Variants in TCF20 observed in about 807,000 individuals in gnomAD.
TCF20 encodes the protein transcription factor 20.
In TCF20, 3 loss-of-function variants were observed where a neutral mutation model predicts 148.6. The observed-to-expected ratio is 0.02, with a 90% CI of 0.01 to 0.05. TCF20 has a LOEUF of 0.05. Among genes scored for constraint, TCF20 ranks in the 10% least tolerant of loss-of-function variants. TCF20 has a pLI of 1.00. For missense variants in TCF20, 2,350 were observed against 2,429.3 expected (o/e 0.97, Z 0.69); for synonymous variants, 1,049 against 909.5 (o/e 1.15, Z -2.76).
intron 1 of TCF20, among the ~76,000 whole-genome samples, chr22:42,218,170 T>G (rs1601610670): frequency 6.6e-6 from 1 of 152,138 alleles, no homozygotes; most frequent in African/African-American, 2.4e-5. Context: ...CTTTTACAGA[T>G]GAGGAAACAG....
chr22:42,286,378 T>C (rs908596512), upstream of TCF20, among the ~76,000 whole-genome samples: 2 of 151,918 alleles, frequency 1.3e-5, no homozygotes, highest in African/African-American at 4.8e-5. Context: ...GGCTGTCTGG[T>C]TTTAAATCCT....
chr22:42,200,591 G>A (rs892255352), intron 2 of TCF20, among the ~76,000 whole-genome samples: 35 of 143,824 alleles, frequency 2.4e-4, no homozygotes, highest in African/African-American at 9.1e-4. Flanking sequence ...GCAGTGAGCC[G>A]AGAACGTGCC....
intron 4 of TCF20, among the ~76,000 whole-genome samples, chr22:42,169,171 T>C (rs1569098436): frequency 6.6e-6 from 1 of 151,458 alleles, no homozygotes; most frequent in Non-Finnish European, 1.5e-5. Flanking sequence ...GTGCAGCCCC[T>C]GCAGGAAACA....
chr22:42,199,159 GAAT>G (rs1937806799), intron 2 of TCF20, among the ~76,000 whole-genome samples: 1 of 152,304 alleles, frequency 6.6e-6, no homozygotes, highest in Middle Eastern at 3.4e-3. Flanking sequence ...TTTACAATAA[GAAT>G]AATACTGTTA....
intron 1 of TCF20, among the ~76,000 whole-genome samples, chr22:42,296,376 T>C (rs1443319404): frequency 6.6e-6 from 1 of 152,246 alleles, no homozygotes; most frequent in East Asian, 1.9e-4. Context: ...TCTTTGCTGC[T>C]GCTTTGCAAA....
chr22:42,234,155 C>T (rs73887974), intron 1 of TCF20, among the ~76,000 whole-genome samples: 415 of 152,258 alleles, frequency 2.7e-3, no homozygotes, highest in African/African-American at 9.6e-3. Flanking sequence ...GAAGTCGAGT[C>T]CAAACAAAAA....
rs1364479882 is a variant in TCF20 at position 42,299,966 on chromosome 22, AG to A, written c.-37+43512del. ...GAGAGGAGGGGAAGGAAGGGCGGGGAGGGGGAGGGGGAGGGGCGCGCTGAAA... is the reference window on the plus strand; with the variant it reads ...GAGAGGAGGGGAAGGAAGGGCGGGGAGGGGAGGGGGAGGGGCGCGCTGAAA... On this transcript the variant is annotated intron_variant, in intron 1 of 1. Transcript: ENST00000515426. This position sits in a 1 kb window ranked among gnomAD's most constrained non-coding sequence, Gnocchi z 4.1. 2.8e-3 allele frequency among the ~76,000 whole-genome samples: 21 copies of A among 7,418 alleles called. No homozygotes were observed. Among genetic ancestry groups the A allele is most frequent in the Admixed American group, 8.3e-3 (5 of 604 alleles). 4.9% of individuals were successfully genotyped at this position (7,418 alleles called of 152,430 possible).
chr22:42,178,567 C>A (rs1243258891), intron 3 of TCF20, among the ~76,000 whole-genome samples: 1 of 150,418 alleles, frequency 6.6e-6, no homozygotes, highest in African/African-American at 2.4e-5. Flanking sequence ...AACCACATAT[C>A]CAGAATTACA....
intron 1 of TCF20, among the ~76,000 whole-genome samples, chr22:42,227,066 C>A (rs192143299): frequency 9.9e-5 from 15 of 152,156 alleles, no homozygotes; most frequent in Non-Finnish European, 1.9e-4. Context: ...GCAGAACACA[C>A]GAGGCCAGGA....
intron 1 of TCF20, among the ~76,000 whole-genome samples, chr22:42,232,907 T>G (rs1332716126): frequency 6.6e-6 from 1 of 152,200 alleles, no homozygotes; most frequent in East Asian, 1.9e-4. Context: ...AGTGTTTAAA[T>G]TATGTGCAAT....
At chr22:42,219,960 G>C in intron 1 of TCF20, among the ~76,000 whole-genome samples, 1 of 152,152 alleles carries the variant, frequency 6.6e-6, no homozygotes, top group Non-Finnish European at 1.5e-5. Flanking sequence ...AGTTTCAGAA[G>C]GGCTGTGGAG....
intron 1 of TCF20, among the ~76,000 whole-genome samples, chr22:42,242,511 C>A (rs1924532638): frequency 6.6e-6 from 1 of 151,946 alleles, no homozygotes. Flanking sequence ...ATAGGGTATA[C>A]TATATAGACG....
intron 1 of TCF20, among the ~76,000 whole-genome samples, chr22:42,343,131 T>G (rs1928196819): frequency 6.6e-6 from 1 of 151,918 alleles, no homozygotes; most frequent in East Asian, 1.9e-4. Flanking sequence ...CCTGGAGGGG[T>G]GAGCTCCCAC....
rs147301663 is a variant in TCF20 at position 42,243,078 on chromosome 22, T to C, written c.-37+27261A>G. Among the ~76,000 whole-genome samples, 347 of 151,642 alleles carry C rather than the reference T, an allele frequency of 2.3e-3. 1 individual carries two copies. The highest frequency in any genetic ancestry group is 7.7e-3 in the African/African-American group (318 of 41,346). On this transcript the variant is annotated intron_variant, in intron 1 of 5. Coordinates refer to ENST00000677622, the MANE Select transcript of TCF20 (RefSeq NM_001378418.1). Reference sequence around the variant, plus strand: ...AGGATGAATACGGAGAGAGTACAGGTGACTCCTGGGATAGTGAAACAATTC... The same window carrying C: ...AGGATGAATACGGAGAGAGTACAGGCGACTCCTGGGATAGTGAAACAATTC...
chr22:42,243,310 A>AAAAAAAAAAAAAAAAAAAAAACAAAAAC (rs1569180401), intron 1 of TCF20, among the ~76,000 whole-genome samples: 1 of 140,864 alleles, frequency 7.1e-6, no homozygotes, highest in African/African-American at 3.0e-5. Flanking sequence ...AAAAAAAAAA[A>AAAAAAAAAAAAAAAAAAAAAACAAAAAC]AAAAAAAAAA....
intron 1 of TCF20, among the ~76,000 whole-genome samples, chr22:42,244,910 T>C (rs1319365594): frequency 7.0e-6 from 1 of 143,392 alleles, no homozygotes; most frequent in Admixed American, 6.8e-5. Context: ...CGAAACCCCA[T>C]CTCTACAAAA....
chr22:42,303,899 GGA>G (rs1271462206), intron 1 of TCF20, among the ~76,000 whole-genome samples: 3 of 151,772 alleles, frequency 2.0e-5, no homozygotes, highest in African/African-American at 4.8e-5. Context: ...GGGGGAGAGG[GGA>G]GAGAGAGAAG....
At chr22:42,168,299 C>T (rs1935911570) in intron 5 of TCF20, among the ~76,000 whole-genome samples, 1 of 152,096 alleles carries the variant, frequency 6.6e-6, no homozygotes, top group Non-Finnish European at 1.5e-5. Flanking sequence ...GATGCCCTGC[C>T]CAAGAAAGAG....
In TCF20 at chr22:42,245,943, A is replaced by G. The variant is rs553166594; in HGVS notation, c.-37+24396T>C. Among the ~76,000 whole-genome samples, 12 of 152,138 alleles carry G rather than the reference A, an allele frequency of 7.9e-5. 1 individual carries two copies. In the South Asian group the frequency reaches 2.3e-3, roughly 29 times the overall value. ...GTCAAATTTTTACAACGTATTATCA[A>G]TGATCTAGTTGTCTGTTTCCCACAC... On this transcript the variant is annotated intron_variant, in intron 1 of 5. Transcript: ENST00000677622.
Sources: allele counts gnomAD v4.1 joint callset (sites outside exome capture counted in the v4.1 genomes callset), GRCh38; gene constraint gnomAD v4.1.1; non-coding constraint Gnocchi (gnomAD v3.1); transcripts MANE v1.5; gene names NCBI Gene and HGNC (gene_info 2026-07-23, HGNC 2026-07-21).